PLXDC2: variants seen among roughly 807,000 people sequenced by gnomAD.
PLXDC2 encodes plexin domain containing 2.
A neutral mutation model predicts 68.9 loss-of-function variants in PLXDC2; 40 were observed. The observed-to-expected ratio is 0.58, with a 90% confidence interval of 0.45 to 0.76. The LOEUF is 0.76. Among genes scored for constraint, PLXDC2 ranks in the 30% least tolerant of loss-of-function variants. The pLI is 0.00. For synonymous variants in PLXDC2, 243 were observed against 234.2 expected, an observed-to-expected ratio of 1.04 and a Z score of -0.34; for missense variants, 644 against 661.9, an observed-to-expected ratio of 0.97 and a Z score of 0.30.
Position 19,940,548 on chromosome 10 carries a change from C to CA in PLXDC2, c.113-61214dup, listed in dbSNP as rs10682522. ...ACTTATTAAAGCTTATTTGATTGTG[C>CA]AAAAAAAAAAAAACAAACAATTTTT... is the stretch of plus-strand genomic sequence containing the variant. On this transcript the variant is annotated intron_variant, in intron 1 of 13. Transcript: ENST00000377252. Among the ~76,000 whole-genome samples the CA allele has an allele frequency of 4.9e-3, 555 of 113,408 alleles. 2 individuals are homozygous for CA. The highest frequency in any genetic ancestry group is 9.6e-3 in the Middle Eastern group (2 of 208). The allele number at this position is 113,408 out of a possible 152,430, so 74.4% of individuals were successfully genotyped here.
rs966899789 is a variant in PLXDC2, at chr10:20,262,360, T to C, written c.1473+16855T>C. On this transcript the variant is annotated intron_variant, in intron 13 of 13. Transcript: ENST00000377252. ...TTGCTTTTGTTATCTGAAGTTTCAG[T>C]GTGATATTAAAAAATTATGCTGCCC... is the stretch of plus-strand genomic sequence containing the variant. Among the ~76,000 whole-genome samples the C allele has an allele frequency of 2.0e-5, 3 of 152,220 alleles. No homozygotes were observed. In the East Asian group the frequency reaches 5.8e-4, roughly 29 times the overall value.
At chr10:19,901,262 A>G (rs534531429) in intron 1 of PLXDC2, among the ~76,000 whole-genome samples, 8 of 152,240 alleles carry the variant, frequency 5.3e-5, no homozygotes, top group African/African-American at 1.9e-4. Flanking sequence ...ACTGTTTTCC[A>G]TAGTGGTTAT....
intron 9 of PLXDC2, among the ~76,000 whole-genome samples, chr10:20,197,185 A>G (rs1171276420): frequency 6.6e-6 from 1 of 152,202 alleles, no homozygotes; most frequent in Non-Finnish European, 1.5e-5. Context: ...GAATTATATA[A>G]CAATAAATAT....
Position 20,085,962 on chromosome 10 carries a change from C to T in PLXDC2, c.541+17723C>T, listed in dbSNP as rs193035071. On this transcript the variant is annotated intron_variant, in intron 4 of 13. Transcript: ENST00000377252. Reference sequence around the variant, plus strand: ...ATAAATGGTAAAAGGAAAAACTAAGCCACTACTCATCCCTCAATAGAATCT... The same window carrying T: ...ATAAATGGTAAAAGGAAAAACTAAGTCACTACTCATCCCTCAATAGAATCT... 1.7e-3 allele frequency among the ~76,000 whole-genome samples: 255 copies of T among 152,288 alleles called. 2 individuals carry two copies. Among genetic ancestry groups the T allele is most frequent in the Non-Finnish European group, 8.7e-4 (59 of 68,028 alleles).
intron 1 of PLXDC2, among the ~76,000 whole-genome samples, chr10:19,964,357 C>T (rs892242375): frequency 1.3e-5 from 2 of 152,166 alleles, no homozygotes; most frequent in Non-Finnish European, 2.9e-5. Flanking sequence ...GCTGATGTTC[C>T]TCAGTCCTTT....
chr10:19,832,678 C>G (rs1423356804), intron 1 of PLXDC2, among the ~76,000 whole-genome samples: 1 of 152,118 alleles, frequency 6.6e-6, no homozygotes, highest in Non-Finnish European at 1.5e-5. Context: ...GACATGGTTT[C>G]TATATATAAG....
At chr10:20,118,349 C>T (rs938987725) in intron 4 of PLXDC2, among the ~76,000 whole-genome samples, 2 of 152,124 alleles carry the variant, frequency 1.3e-5, no homozygotes, top group African/African-American at 4.8e-5. Flanking sequence ...TCACTGACTA[C>T]AGTATCTCAT....
chr10:20,121,504 A>G (rs2131761137), intron 4 of PLXDC2, among the ~76,000 whole-genome samples: 1 of 152,290 alleles, frequency 6.6e-6, no homozygotes, highest in Middle Eastern at 3.4e-3. Flanking sequence ...GGCTTGACTG[A>G]AGTAATGGGG....
chr10:20,133,757 G>A (rs868414492), intron 4 of PLXDC2, among the ~76,000 whole-genome samples: 1 of 152,124 alleles, frequency 6.6e-6, no homozygotes, highest in Non-Finnish European at 1.5e-5. Flanking sequence ...CTCCAGATTT[G>A]GGAAGTTTTC....
At chr10:20,049,383 TAAA>T (rs1835853073) in intron 3 of PLXDC2, among the ~76,000 whole-genome samples, 1 of 151,942 alleles carries the variant, frequency 6.6e-6, no homozygotes, top group African/African-American at 2.4e-5. Flanking sequence ...GACAAAGAAA[TAAA>T]GAGCATCCAA....
At chr10:20,000,296 T>A (rs1834913384) in intron 1 of PLXDC2, among the ~76,000 whole-genome samples, 1 of 152,120 alleles carries the variant, frequency 6.6e-6, no homozygotes, top group Non-Finnish European at 1.5e-5. Flanking sequence ...TTTTGTTTTT[T>A]TAGCCTCTAA....
chr10:20,012,247 A>G (rs894040499), intron 2 of PLXDC2, among the ~76,000 whole-genome samples: 3 of 134,370 alleles, frequency 2.2e-5, no homozygotes, highest in Non-Finnish European at 4.6e-5. Context: ...TTCACCTTGT[A>G]TTTCTGAAGC....
chr10:20,101,041 T>C (rs549963019), intron 4 of PLXDC2, among the ~76,000 whole-genome samples: 1 of 152,316 alleles, frequency 6.6e-6, no homozygotes, highest in African/African-American at 2.4e-5. Context: ...ACAGTTATGA[T>C]TCTTCTTTTC....
At chr10:20,125,676 C>T (rs772112151) in intron 4 of PLXDC2, among the ~76,000 whole-genome samples, 2 of 152,254 alleles carry the variant, frequency 1.3e-5, no homozygotes, top group South Asian at 4.1e-4. Flanking sequence ...AAAAGGATGT[C>T]AGAGTTCAGT....
intron 6 of PLXDC2, among the ~76,000 whole-genome samples, chr10:20,151,535 T>C (rs894358514): frequency 1.3e-5 from 2 of 152,156 alleles, no homozygotes; most frequent in African/African-American, 4.8e-5. Context: ...ATCCAGAATT[T>C]AATTTGATGA....
Position 19,966,393 on chromosome 10 carries a change from T to TAAAAAATATATATGTGCACATATATA in PLXDC2, c.113-35378_113-35377insAATATATATGTGCACATATATAAAAA, listed in dbSNP as rs11452500. Among the ~76,000 whole-genome samples the TAAAAAATATATATGTGCACATATATA allele has an allele frequency of 3.6e-4, 24 of 65,826 alleles. 1 individual carries two copies. The highest frequency in any genetic ancestry group is 7.2e-4 in the African/African-American group (10 of 13,966). 43.2% of individuals were successfully genotyped at this position (65,826 alleles called of 152,430 possible). ...TAAAAAATATATATGTGCACATATA[T>TAAAAAATATATATGTGCACATATATA]AAAATATATATGTGCACATATATAA... On this transcript the variant is annotated intron_variant, in intron 1 of 13. Transcript: ENST00000377252.
chr10:19,955,074 ATTTTTTTTTT>A (rs750051734), intron 1 of PLXDC2, among the ~76,000 whole-genome samples: 4 of 99,292 alleles, frequency 4.0e-5, no homozygotes, highest in African/African-American at 1.2e-4. Flanking sequence ...CCTTTCACTG[ATTTTTTTTTT>A]TTTTTTTTTT....
rs572658869 is a variant in PLXDC2, at chr10:20,194,073, A to G, written c.1061+16664A>G. The stretch of plus-strand genomic sequence containing the variant: ...CACAAATTTATAATAAAGAGGGTAT[A>G]ACAAGAATTTTAAAAGAAAACAAAG... On this transcript the variant is annotated intron_variant, in intron 9 of 13. Transcript: ENST00000377252. Among the ~76,000 whole-genome samples, 9 of 152,128 alleles carry G rather than the reference A, an allele frequency of 5.9e-5. No individual in the cohort carries two copies. In the East Asian group the frequency reaches 1.7e-3, roughly 29 times the overall value.
chr10:19,826,782 C>T (rs1836579870), intron 1 of PLXDC2, among the ~76,000 whole-genome samples: 1 of 151,836 alleles, frequency 6.6e-6, no homozygotes, highest in African/African-American at 2.4e-5. Flanking sequence ...TTTATGAAAA[C>T]CTTTTGTTTT....
Sources: allele counts gnomAD v4.1 joint callset (sites outside exome capture counted in the v4.1 genomes callset), GRCh38; gene constraint gnomAD v4.1.1; transcripts MANE v1.5; gene names NCBI Gene and HGNC (gene_info 2026-07-23, HGNC 2026-07-21).